The following FBXW8 variants were observed in gnomAD, a reference collection of about 807,000 sequenced individuals.
FBXW8 encodes the protein F-box/WD repeat-containing protein 8.
FBXW8 carries 57 observed loss-of-function variants against 65.3 expected under a neutral mutation model. The ratio of observed to expected loss-of-function variants is 0.87; its 90% CI spans 0.71 to 1.09. FBXW8 has a LOEUF of 1.09. Among genes scored for constraint, FBXW8 ranks in the 50% least tolerant of loss-of-function variants. FBXW8 has a pLI of 0.00. For synonymous variants in FBXW8, 308 were observed against 330.2 expected (o/e 0.93, Z 0.73); for missense variants, 777 against 814.8 (o/e 0.95, Z 0.57).
At chr12:116,939,518 C>T (rs1882410948) in intron 2 of FBXW8, among the ~76,000 whole-genome samples, 2 of 152,174 alleles carry the variant, frequency 1.3e-5, no homozygotes, top group Admixed American at 1.3e-4. Flanking sequence ...AGGTGTTGTT[C>T]TACTGAATAT....
intron 6 of FBXW8, among the ~76,000 whole-genome samples, chr12:116,988,190 T>C (rs1256471763): frequency 6.6e-6 from 1 of 152,226 alleles, no homozygotes; most frequent in African/African-American, 2.4e-5. Flanking sequence ...TTTTTATATA[T>C]GTGAGTTTAT....
chr12:116,962,465 C>G (rs150510778), intron 4 of FBXW8, among the ~76,000 whole-genome samples: 1 of 152,316 alleles, frequency 6.6e-6, no homozygotes, highest in African/African-American at 2.4e-5. Flanking sequence ...TCTCCACCCT[C>G]GCCTCCCCAC....
chr12:116,930,814 A>AT (rs1374944088), intron 2 of FBXW8, among the ~76,000 whole-genome samples: 5 of 151,846 alleles, frequency 3.3e-5, no homozygotes, highest in African/African-American at 4.8e-5. Context: ...ACTTATTTTT[A>AT]TTTTTTTTAT....
chr12:116,921,718 CTGTAGAAATA>C (rs1222009992), intron 1 of FBXW8, among the ~76,000 whole-genome samples: 21 of 151,196 alleles, frequency 1.4e-4, no homozygotes, highest in Admixed American at 1.4e-3. Context: ...CATGTGCTCA[CTGTAGAAATA>C]TTTAGGAAAT....
At chr12:117,014,975 C>T (rs371868989) in intron 8 of FBXW8, among the ~76,000 whole-genome samples, 11 of 152,156 alleles carry the variant, frequency 7.2e-5, no homozygotes, top group South Asian at 2.1e-4. Flanking sequence ...TTCTACCTGC[C>T]GGCATCGCCG....
chr12:117,024,416 AC>A, intron 9 of FBXW8, 96 bp downstream of exon 9: 7 of 1,439,392 alleles, frequency 4.9e-6, no homozygotes, highest in Admixed American at 3.8e-5. Context: ...AATGCCCCCT[AC>A]CCCCCGGCTT....
In FBXW8 at chr12:117,027,521, G is replaced by A. The variant is rs753486680; in HGVS notation, c.1652+17G>A. On this transcript the variant is annotated intron_variant, in intron 10 of 10. Coordinates refer to ENST00000652555, the MANE Select transcript of FBXW8 (RefSeq NM_153348.3). ...TCACAGGAGGTTAGTGGTGGGGCCGGGCGAGTAAGAGACCATCTTAGTTTG... is the reference window on the plus strand; with the variant it reads ...TCACAGGAGGTTAGTGGTGGGGCCGAGCGAGTAAGAGACCATCTTAGTTTG... The A allele has an allele frequency of 1.9e-6, 3 of 1,600,086 alleles. No homozygotes were observed. The highest frequency in any genetic ancestry group is 8.6e-7 in the Non-Finnish European group (1 of 1,167,538).
chr12:116,938,400 A>G (rs898370982), intron 2 of FBXW8, among the ~76,000 whole-genome samples: 1 of 152,126 alleles, frequency 6.6e-6, no homozygotes, highest in African/African-American at 2.4e-5. Flanking sequence ...ATTATTTTCT[A>G]CGGAATAAGC....
intron 8 of FBXW8, among the ~76,000 whole-genome samples, chr12:117,015,048 C>A (rs1953918160): frequency 6.6e-6 from 1 of 152,130 alleles, no homozygotes; most frequent in South Asian, 2.1e-4. Context: ...GAGAAAAAAA[C>A]CTACAATAAC....
At chr12:116,923,521 C>CT (rs1046273125) in intron 1 of FBXW8, among the ~76,000 whole-genome samples, 54 of 144,514 alleles carry the variant, frequency 3.7e-4, no homozygotes, top group Middle Eastern at 3.6e-3. Flanking sequence ...AAATTATTTT[C>CT]TTTTTTTTTT....
At chr12:117,023,883 C>A (rs1019479719) in intron 8 of FBXW8, among the ~76,000 whole-genome samples, 3 of 152,236 alleles carry the variant, frequency 2.0e-5, no homozygotes, top group African/African-American at 7.2e-5. Context: ...GGTGGCTTTT[C>A]CCTGTTAAGC....
At chr12:116,988,638 C>G in intron 6 of FBXW8, 25 bp from the exon 7 acceptor site, 1 of 1,608,496 alleles carries the variant, frequency 6.2e-7, no homozygotes, top group South Asian at 1.1e-5. Context: ...ATTTATGGGA[C>G]TAAACAACTC....
intron 9 of FBXW8, 95 bp downstream of exon 9, chr12:117,024,415 T>A (rs1954178161): frequency 2.8e-6 from 4 of 1,446,150 alleles, no homozygotes; most frequent in Non-Finnish European, 2.8e-6. Context: ...AAATGCCCCC[T>A]ACCCCCCGGC....
At chr12:116,976,342 A>T in intron 5 of FBXW8, among the ~76,000 whole-genome samples, 1 of 141,084 alleles carries the variant, frequency 7.1e-6, no homozygotes, top group Non-Finnish European at 1.5e-5. Flanking sequence ...GTATCTTGCT[A>T]TTTGTCTTCA....
intron 3 of FBXW8, chr12:116,948,867 G>A (rs1883096628): frequency 6.6e-6 from 1 of 152,224 alleles, no homozygotes; most frequent in African/African-American, 2.4e-5. Context: ...TGATCCTCCT[G>A]CCTCATCCTC....
chr12:116,937,927 C>T (rs961939864), intron 2 of FBXW8, among the ~76,000 whole-genome samples: 1 of 151,860 alleles, frequency 6.6e-6, no homozygotes, highest in East Asian at 1.9e-4. Context: ...ATTAGCAAGT[C>T]CTTGCAGCTG....
intron 1 of FBXW8, among the ~76,000 whole-genome samples, chr12:116,911,584 G>T (rs1879948999): frequency 6.6e-6 from 1 of 152,124 alleles, no homozygotes. Context: ...GACATTTTTG[G>T]GTGCCTCATC....
chr12:117,013,480 A>G (rs1002173944), intron 8 of FBXW8, among the ~76,000 whole-genome samples: 2 of 152,172 alleles, frequency 1.3e-5, no homozygotes, highest in Admixed American at 6.5e-5. Context: ...AGAAAGAGCA[A>G]TGAGTAATGG....
At position 116,935,892 on chromosome 12, in the gene FBXW8, A is replaced by T. The variant is rs149473221; in HGVS notation, c.423+7765A>T. On this transcript the variant is annotated intron_variant, in intron 2 of 10. Transcript: ENST00000652555. ...AGAATTAAAAGCAATGCTAATTTTT[A>T]AAAAAAAGTTGGACTTACACTTTTA... Among the ~76,000 whole-genome samples the T allele has an allele frequency of 8.8e-3, 1,338 of 152,234 alleles. 7 individuals carry two copies. Among genetic ancestry groups the T allele is most frequent in the Non-Finnish European group, 0.013 (906 of 68,000 alleles).
Sources: allele counts gnomAD v4.1 joint callset (sites outside exome capture counted in the v4.1 genomes callset), GRCh38; gene constraint gnomAD v4.1.1; transcripts MANE v1.5; gene names NCBI Gene and HGNC (gene_info 2026-07-23, HGNC 2026-07-21).